CNTN4: variants seen among roughly 807,000 people sequenced by gnomAD.
The protein encoded by CNTN4 is contactin-4.
Under a neutral mutation model 122.5 loss-of-function variants are expected in CNTN4, and 77 were observed. That is an observed-to-expected ratio of 0.63 (90% CI 0.52 to 0.76). The LOEUF (loss-of-function observed/expected upper bound fraction) is 0.76, where lower values mean the gene tolerates loss of function less well. Among genes scored for constraint, CNTN4 ranks in the 30% least tolerant of loss-of-function variants. The pLI, the probability that CNTN4 is intolerant of heterozygous loss-of-function variation, is 0.00. For missense variants in CNTN4, 1,256 were observed against 1,259.1 expected, an observed-to-expected ratio of 1.00 and a Z score of 0.04; for synonymous variants, 512 against 447.0, an observed-to-expected ratio of 1.15 and a Z score of -1.83.
chr3:2,643,542 G>A (rs2082989935), intron 4 of CNTN4, among the ~76,000 whole-genome samples: 1 of 152,100 alleles, frequency 6.6e-6, no homozygotes, highest in African/African-American at 2.4e-5. Context: ...GCATTACTGA[G>A]CATGTATAGA....
At chr3:3,024,384 TAAAAAA>T (rs55892513) in intron 14 of CNTN4, among the ~76,000 whole-genome samples, 1 of 90,262 alleles carries the variant, frequency 1.1e-5, no homozygotes, top group Non-Finnish European at 2.2e-5. Flanking sequence ...TTTTCCTCAT[TAAAAAA>T]AAAAAAAAAA....
At chr3:2,627,548 T>C (rs554018430) in intron 4 of CNTN4, among the ~76,000 whole-genome samples, 162 of 147,468 alleles carry the variant, frequency 1.1e-3, no homozygotes, top group Middle Eastern at 7.2e-3. Flanking sequence ...GGCTGGAGTG[T>C]AGTAGCGCAA....
chr3:2,248,928 C>G (rs540706336), intron 2 of CNTN4, among the ~76,000 whole-genome samples: 1 of 151,812 alleles, frequency 6.6e-6, no homozygotes. Context: ...AATGCAGATA[C>G]GAAAGGTATT....
Position 2,781,870 on chromosome 3 carries a change from G to A in CNTN4, c.358+36173G>A, listed in dbSNP as rs1390729618. Among the ~76,000 whole-genome samples the A allele has an allele frequency of 3.7e-4, 32 of 86,352 alleles. 2 individuals carry two copies. Among genetic ancestry groups the A allele is most frequent in the African/African-American group, 1.6e-3 (24 of 14,744 alleles). The allele number at this position is 86,352 out of a possible 152,430, so 56.7% of individuals were successfully genotyped here. The stretch of plus-strand genomic sequence containing the variant: ...CTCCCGAGTAGCTGGGACTGCAGGC[G>A]CCCGCACCACGCCCGGCTAATTTTT... On this transcript the variant is annotated intron_variant, in intron 6 of 24. Transcript: ENST00000418658.
chr3:2,978,247 A>G lies in CNTN4; in HGVS notation c.1359-10098A>G, dbSNP rs573190564. ...CATTGCTCTGTTCTCTCTGTCCAGT[A>G]TGTCTTGAGTGGAAACATTGAAGAG... On this transcript the variant is annotated intron_variant, in intron 13 of 24. Coordinates refer to ENST00000418658, the MANE Select transcript of CNTN4 (RefSeq NM_175607.3). Among the ~76,000 whole-genome samples, 6 of 152,300 alleles carry G rather than the reference A, an allele frequency of 3.9e-5. No individual in the cohort carries two copies. In the East Asian group the frequency reaches 9.6e-4, roughly 24 times the overall value.
intron 13 of CNTN4, among the ~76,000 whole-genome samples, chr3:2,943,559 G>C (rs2094637912): frequency 6.7e-6 from 1 of 148,378 alleles, no homozygotes; most frequent in African/African-American, 2.5e-5. Context: ...ATTTTATTTA[G>C]ATTGTTTGTT....
rs534841880 is a variant in CNTN4, at chr3:2,150,952, A to G, written c.-145+50313A>G. Among the ~76,000 whole-genome samples the G allele has an allele frequency of 2.5e-4, 38 of 152,282 alleles. No homozygotes were observed. The South Asian group carries it at 6.4e-3, about 26-fold the overall frequency. ...TTTAGAAGATACTTTTTGAGTTCCT[A>G]CTGGTCCACCGGGAACTATCGTAAG... On this transcript the variant is annotated intron_variant, in intron 2 of 24. Coordinates refer to ENST00000418658, the MANE Select transcript of CNTN4 (RefSeq NM_175607.3).
chr3:2,602,125 C>A (rs1466091997), intron 4 of CNTN4, among the ~76,000 whole-genome samples: 1 of 152,160 alleles, frequency 6.6e-6, no homozygotes, highest in Non-Finnish European at 1.5e-5. Flanking sequence ...GACAAACCCA[C>A]AGCCAATATC....
intron 3 of CNTN4, among the ~76,000 whole-genome samples, chr3:2,535,184 A>T (rs2077753285): frequency 6.6e-6 from 1 of 152,084 alleles, no homozygotes; most frequent in Non-Finnish European, 1.5e-5. Flanking sequence ...TCAACCTTGT[A>T]CTTCAACAAA....
chr3:2,966,998 G>C (rs1692386549), intron 13 of CNTN4, among the ~76,000 whole-genome samples: 1 of 152,200 alleles, frequency 6.6e-6, no homozygotes, highest in Non-Finnish European at 1.5e-5. Context: ...GATTTATCAA[G>C]ACAGGGGAAT....
At chr3:2,576,156 A>G (rs2079673349) in intron 4 of CNTN4, among the ~76,000 whole-genome samples, 1 of 152,112 alleles carries the variant, frequency 6.6e-6, no homozygotes, top group African/African-American at 2.4e-5. Flanking sequence ...TTTATACAAA[A>G]TAACTTTCCC....
rs181223226 is a variant in CNTN4 at position 2,389,051 on chromosome 3, C to T, written c.-89+49818C>T. ...TGGTGTGTGCCTGTAATCCCAGCTACTCCGGAGGCTGAGGCAGGAGAATCT... is the reference window on the plus strand; with the variant it reads ...TGGTGTGTGCCTGTAATCCCAGCTATTCCGGAGGCTGAGGCAGGAGAATCT... On this transcript the variant is annotated intron_variant, in intron 3 of 24. Transcript: ENST00000418658. 7.2e-5 allele frequency among the ~76,000 whole-genome samples: 11 copies of T among 151,844 alleles called. No homozygotes were observed. In the East Asian group the frequency reaches 2.1e-3, roughly 30 times the overall value.
At chr3:2,642,567 T>TA (rs948284547) in intron 4 of CNTN4, among the ~76,000 whole-genome samples, 3 of 152,188 alleles carry the variant, frequency 2.0e-5, no homozygotes, top group African/African-American at 7.2e-5. Context: ...ATGTTTTTTA[T>TA]ATGTGTGTAC....
intron 2 of CNTN4, among the ~76,000 whole-genome samples, chr3:2,157,549 A>G (rs1450156898): frequency 6.6e-6 from 1 of 152,226 alleles, no homozygotes; most frequent in Non-Finnish European, 1.5e-5. Flanking sequence ...TTTGGGCTCA[A>G]AATCTCACTT....
At chr3:2,522,128 C>T (rs937941877) in intron 3 of CNTN4, among the ~76,000 whole-genome samples, 1 of 148,198 alleles carries the variant, frequency 6.7e-6, no homozygotes, top group African/African-American at 2.5e-5. Flanking sequence ...GATTTTATGG[C>T]ATGTGGCCTG....
chr3:2,347,515 T>G (rs2044445585), intron 3 of CNTN4, among the ~76,000 whole-genome samples: 1 of 148,032 alleles, frequency 6.8e-6, no homozygotes, highest in Admixed American at 7.0e-5. Flanking sequence ...GTTCAAGTGA[T>G]TCTCCTGCCT....
chr3:2,146,984 G>A (rs1385750882), intron 2 of CNTN4, among the ~76,000 whole-genome samples: 16 of 151,992 alleles, frequency 1.1e-4, no homozygotes, highest in East Asian at 3.9e-4. Context: ...GGGTTCAAGC[G>A]ATTCTCCTGC....
At chr3:2,332,141 T>C (rs1421995588) in intron 2 of CNTN4, among the ~76,000 whole-genome samples, 4 of 152,112 alleles carry the variant, frequency 2.6e-5, no homozygotes, top group African/African-American at 9.7e-5. Context: ...TCTTTGCACA[T>C]ATTGGAAAAC....
At chr3:2,207,549 C>G in intron 2 of CNTN4, among the ~76,000 whole-genome samples, 1 of 152,088 alleles carries the variant, frequency 6.6e-6, no homozygotes, top group Non-Finnish European at 1.5e-5. Flanking sequence ...CCTTAAAGAC[C>G]TAACCCTAAT....
Sources: allele counts gnomAD v4.1 joint callset (sites outside exome capture counted in the v4.1 genomes callset), GRCh38; gene constraint gnomAD v4.1.1; transcripts MANE v1.5; gene names NCBI Gene and HGNC (gene_info 2026-07-23, HGNC 2026-07-21).